Variants in TANC1 observed in about 807,000 individuals in gnomAD.
The protein encoded by TANC1 is protein TANC1.
Under a neutral mutation model 149.7 loss-of-function variants are expected in TANC1, and 77 were observed. That is an observed-to-expected ratio of 0.51 (90% CI 0.43 to 0.62). The LOEUF is 0.62. TANC1 is among the 20% of genes least tolerant of loss of function. The probability of loss-of-function intolerance (pLI) is 0.00; values close to 1 mark genes in which losing one functional copy is unlikely to be tolerated. For missense variants in TANC1, 1,985 were observed against 2,321.8 expected, an observed-to-expected ratio of 0.85 and a Z score of 2.98; for synonymous variants, 854 against 925.0, an observed-to-expected ratio of 0.92 and a Z score of 1.39.
At chr2:159,130,415 G>A (rs1267328888) in intron 4 of TANC1, among the ~76,000 whole-genome samples, 2 of 152,184 alleles carry the variant, frequency 1.3e-5, no homozygotes, top group Non-Finnish European at 2.9e-5. Context: ...CTGAGTGAGG[G>A]CTTGGGGAGA....
intron 1 of TANC1, among the ~76,000 whole-genome samples, chr2:158,980,126 CA>C (rs1438091101): frequency 6.6e-6 from 1 of 152,020 alleles, no homozygotes; most frequent in Non-Finnish European, 1.5e-5. Flanking sequence ...GTCCTGTGGT[CA>C]AATAAGTGGG....
At chr2:159,050,996 T>C (rs2041422980) in intron 2 of TANC1, among the ~76,000 whole-genome samples, 1 of 152,240 alleles carries the variant, frequency 6.6e-6, no homozygotes, top group African/African-American at 2.4e-5. Context: ...TATATCCAGC[T>C]TTGTTGCAGA....
rs866621117 is a variant in TANC1, at chr2:159,172,332, G to C, written c.1503+60G>C. 40 of 1,547,254 alleles carry C rather than the reference G, an allele frequency of 2.6e-5. No homozygotes were observed. In the African/African-American group the frequency reaches 5.1e-4, roughly 20 times the overall value. ...AGAGAGATTTGCTGGTTTGGTTTCT[G>C]AGAAGTAGATTGGAAAAGGGAGCTT... On this transcript the variant is annotated intron_variant, in intron 11 of 26. Transcript: ENST00000263635.
At chr2:159,134,123 A>G (rs1380139268) in intron 4 of TANC1, among the ~76,000 whole-genome samples, 1 of 152,160 alleles carries the variant, frequency 6.6e-6, no homozygotes, top group Non-Finnish European at 1.5e-5. Context: ...TGTCAGGGCT[A>G]TGGCCCAGGG....
Position 159,178,675 on chromosome 2 carries a change from C to A in TANC1, c.2022C>A (p.Ile674=). The stretch of plus-strand genomic sequence containing the variant: ...ACAGGGTGCACAGCAGCCAGGACAT[C>A]CTCAGCAACATCTCCCTGAATGGCA... The part of the protein sequence containing the change: ...VQHRVHSSQD[I]LSNISLNGKA... Residue 674 remains isoleucine (I), a synonymous_variant, in exon 14 of 27, where the codon ATC becomes ATA. Coordinates refer to ENST00000263635, the MANE Select transcript of TANC1 (RefSeq NM_033394.3). The A allele has an allele frequency of 6.2e-7, 1 of 1,614,182 alleles. No individual in the cohort carries two copies. Among genetic ancestry groups the A allele is most frequent in the Non-Finnish European group, 8.5e-7 (1 of 1,180,038 alleles).
intron 19 of TANC1, among the ~76,000 whole-genome samples, chr2:159,204,876 T>C (rs1186037104): frequency 1.3e-5 from 2 of 152,274 alleles, no homozygotes; most frequent in African/African-American, 4.8e-5. Flanking sequence ...GTGAATTGAA[T>C]GGGCTATTTA....
At chr2:159,177,762 C>T (rs1246251319) in intron 13 of TANC1, among the ~76,000 whole-genome samples, 2 of 152,138 alleles carry the variant, frequency 1.3e-5, no homozygotes, top group Admixed American at 1.3e-4. Flanking sequence ...TTTAAAAAGG[C>T]AAAACTCTTC....
intron 2 of TANC1, among the ~76,000 whole-genome samples, chr2:159,033,618 C>T (rs1424915068): frequency 6.6e-6 from 1 of 152,168 alleles, no homozygotes; most frequent in Non-Finnish European, 1.5e-5. Context: ...ACTCAACAGC[C>T]TGGTGGTTGT....
chr2:159,102,234 G>A (rs1307837046), intron 4 of TANC1, among the ~76,000 whole-genome samples: 2 of 151,932 alleles, frequency 1.3e-5, no homozygotes, highest in Non-Finnish European at 2.9e-5. Context: ...ACCTAAACCT[G>A]AGACCACATT....
At chr2:158,979,501 A>G (rs1307021398) in intron 1 of TANC1, among the ~76,000 whole-genome samples, 1 of 151,936 alleles carries the variant, frequency 6.6e-6, no homozygotes, top group Non-Finnish European at 1.5e-5. Context: ...CTCAAAAAAA[A>G]AAGAAAAAAG....
Position 159,090,286 on chromosome 2 carries a change from A to C in TANC1, c.62-7351A>C, listed in dbSNP as rs1368988334. On this transcript the variant is annotated intron_variant, in intron 3 of 26. Transcript: ENST00000263635. ...ATGTACATTTGGAATGGAAACTTTT[A>C]TTTTAATCATCTGCATTACTTAGTA... Among the ~76,000 whole-genome samples the C allele has an allele frequency of 1.3e-5, 2 of 152,210 alleles. 1 individual carries two copies. The highest frequency in any genetic ancestry group is 6.3e-3 in the Middle Eastern group (2 of 316).
chr2:158,981,566 A>C (rs1372054488), intron 1 of TANC1, among the ~76,000 whole-genome samples: 15 of 133,590 alleles, frequency 1.1e-4, no homozygotes, highest in African/African-American at 4.1e-4. Context: ...CTTAGAGTTT[A>C]AAAATTAGGT....
Position 159,103,895 on chromosome 2 carries a change from TGTGA to T in TANC1, c.259+6065_259+6068del, listed in dbSNP as rs1454393854. Among the ~76,000 whole-genome samples the T allele has an allele frequency of 9.8e-4, 95 of 96,580 alleles. 22 individuals carry two copies. Among genetic ancestry groups the T allele is most frequent in the African/African-American group, 2.6e-3 (89 of 34,864 alleles). 63.4% of individuals were successfully genotyped at this position (96,580 alleles called of 152,430 possible). A position where few individuals can be genotyped will look rare whatever the true frequency, so the allele number is the denominator to read the frequency against. On this transcript the variant is annotated intron_variant, in intron 4 of 26. Transcript: ENST00000263635. ...TTGTTGGCTTGTGAGCTGTAAATAA[TGTGA>T]GTGTGTTCTGATTTCATAGAAGGTG...
chr2:159,190,783 C>T (rs1381400371), intron 16 of TANC1, among the ~76,000 whole-genome samples: 1 of 152,178 alleles, frequency 6.6e-6, no homozygotes, highest in Non-Finnish European at 1.5e-5. Context: ...AACTCCTGAC[C>T]TCAGGTGATC....
intron 5 of TANC1, among the ~76,000 whole-genome samples, chr2:159,143,097 A>C (rs76791300): frequency 0.077 from 8,244 of 106,846 alleles, 231 homozygotes; most frequent in Non-Finnish European, 0.1. Flanking sequence ...CAAAACAAAA[A>C]AAAACAAAAA....
chr2:159,130,178 A>G (rs1268979151), intron 4 of TANC1, among the ~76,000 whole-genome samples: 5 of 152,028 alleles, frequency 3.3e-5, no homozygotes, highest in African/African-American at 1.2e-4. Flanking sequence ...ATCCACAGAC[A>G]AGTCTTGTTT....
chr2:159,195,736 C>T (rs929698955), intron 17 of TANC1, among the ~76,000 whole-genome samples: 3 of 152,292 alleles, frequency 2.0e-5, no homozygotes, highest in Non-Finnish European at 2.9e-5. Flanking sequence ...CCTCCATTTA[C>T]GGATGGCAGC....
At chr2:159,023,522 G>T (rs1400284378) in intron 2 of TANC1, among the ~76,000 whole-genome samples, 1 of 151,374 alleles carries the variant, frequency 6.6e-6, no homozygotes, top group Non-Finnish European at 1.5e-5. Context: ...TTGTATTTTT[G>T]GAAGAGACAG....
intron 14 of TANC1, among the ~76,000 whole-genome samples, chr2:159,182,123 T>C (rs2056546831): frequency 6.6e-6 from 1 of 151,980 alleles, no homozygotes; most frequent in Admixed American, 6.6e-5. Context: ...GTAGGAGAAT[T>C]GCTTGAACCC....
Sources: gnomAD v4.1 joint callset for allele counts (sites outside exome capture counted in the v4.1 genomes callset) on GRCh38, gnomAD v4.1.1 for gene constraint, MANE v1.5 for transcripts, NCBI Gene and HGNC (gene_info 2026-07-23, HGNC 2026-07-21) for gene names.